Variants in DNMT1 observed in about 807,000 individuals in gnomAD.
DNMT1 encodes the protein DNA methyltransferase 1, also known as DNA (cytosine-5)-methyltransferase 1.
A neutral mutation model predicts 205.3 loss-of-function variants in DNMT1; 24 were observed. The observed-to-expected ratio is 0.12, with a 90% confidence interval of 0.08 to 0.16. The LOEUF (loss-of-function observed/expected upper bound fraction) is 0.16, where lower values mean the gene tolerates loss of function less well. Ranked by LOEUF, DNMT1 falls within the 10% of genes least tolerant of loss-of-function variation. DNMT1 has a pLI of 1.00. For missense variants in DNMT1, 1,293 were observed against 2,177.7 expected (o/e 0.59, Z 8.09); for synonymous variants, 817 against 839.8 (o/e 0.97, Z 0.47).
chr19:10,139,511 C>T (rs534588023), intron 34 of DNMT1, among the ~76,000 whole-genome samples, 165 bp downstream of exon 34: 6 of 152,250 alleles, frequency 3.9e-5, no homozygotes, highest in Non-Finnish European at 8.8e-5. Context: ...CGGCTGAGCA[C>T]GCATCTCCCC....
chr19:10,149,341 A>C lies in DNMT1; in HGVS notation c.2586+112T>G, dbSNP rs1046943173. 1.0e-3 allele frequency: 1,330 copies of C among 1,309,146 alleles called. 2 individuals are homozygous for C. Among genetic ancestry groups the C allele is most frequent in the East Asian group, 3.0e-3 (120 of 39,828 alleles). 81.1% of individuals were successfully genotyped at this position (1,309,146 alleles called of 1,614,324 possible). Reference sequence around the variant, plus strand: ...ACTCAGTCTCAAAACAAAAAAAAAAACAAAAAAAAAACCAAATTAAAAAAA... The same window carrying C: ...ACTCAGTCTCAAAACAAAAAAAAAACCAAAAAAAAAACCAAATTAAAAAAA... On this transcript the variant is annotated intron_variant, in intron 26 of 40. Coordinates refer to ENST00000359526, the MANE Select transcript of DNMT1 (RefSeq NM_001130823.3).
At position 10,180,203 on chromosome 19, in the gene DNMT1, T is replaced by C. The variant is rs1356541281; in HGVS notation, c.477A>G (p.Gln159=). The change falls in exon 5 of 41, where the codon CAA becomes CAG. Residue 159 remains glutamine (Q), a synonymous_variant. Transcript: ENST00000359526. ...GGCACATACCTCTAATCCCAGTTAC[T>C]TGGGAGGCTGAGGCAGGAGGGTCTC... The part of the protein sequence containing the change: ...RSRDPPASAS[Q]VTGIRAEPSP... The C allele has an allele frequency of 1.1e-6, 1 of 934,798 alleles. No homozygotes were observed. The highest frequency in any genetic ancestry group is 2.6e-5 in the East Asian group (1 of 37,984). 57.9% of individuals were successfully genotyped at this position (934,798 alleles called of 1,614,324 possible). A position where few individuals can be genotyped will look rare whatever the true frequency, so the allele number is the denominator to read the frequency against.
At chr19:10,149,738 T>A (rs2038295502) in intron 25 of DNMT1, 81 bp from the exon 26 acceptor site, 7 of 1,609,430 alleles carry the variant, frequency 4.3e-6, no homozygotes, top group Admixed American at 3.3e-5. Flanking sequence ...GGAGCACTCG[T>A]CCTTTTCAGT....
chr19:10,137,411 A>G lies in DNMT1; in HGVS notation c.4294-131T>C. On this transcript the variant is annotated intron_variant, in intron 36 of 40. Transcript: ENST00000359526. The surrounding 1 kb of genome is among the most constrained non-coding windows in gnomAD (Gnocchi z 6.4). ...GGCTCACGCCCATCGGGAAAGAGAC[A>G]GTCAGGGATATCGCACTTGGCTCGA... 1 of 1,184,750 alleles carries G rather than the reference A, an allele frequency of 8.4e-7. No homozygotes were observed. The highest frequency in any genetic ancestry group is 1.2e-6 in the Non-Finnish European group (1 of 844,604). The allele number at this position is 1,184,750 out of a possible 1,614,324, so 73.4% of individuals were successfully genotyped here. A position where few individuals can be genotyped will look rare whatever the true frequency, so the allele number is the denominator to read the frequency against.
At chr19:10,182,395 GTATATA>G (rs779267793) in intron 1 of DNMT1, among the ~76,000 whole-genome samples, 9 of 81,502 alleles carry the variant, frequency 1.1e-4, no homozygotes, top group Non-Finnish European at 2.4e-4. Context: ...ATATATATGT[GTATATA>G]TATACATATA....
Position 10,166,702 on chromosome 19 carries a change from C to A in DNMT1, c.804-17G>T. On this transcript the variant is annotated splice_polypyrimidine_tract_variant and intron_variant, in intron 10 of 40. Transcript: ENST00000359526. The stretch of plus-strand genomic sequence containing the variant: ...TTGGGTGTTCTGTCACAGAAGACAA[C>A]ACACACACAGGCTGGTCAGCTCGGG... The A allele has an allele frequency of 6.2e-7, 1 of 1,611,080 alleles. No homozygotes were observed. Among genetic ancestry groups the A allele is most frequent in the Non-Finnish European group, 8.5e-7 (1 of 1,177,888 alleles).
rs762090084 is a variant in DNMT1 at position 10,146,331 on chromosome 19, T to C, written c.2894+20A>G. ...CAGCCTGGAGCGCCCTGGCCCCGGC[T>C]GCTCCGAGGGGGCACTTACTTGAAC... On this transcript the variant is annotated intron_variant, in intron 28 of 40. Coordinates refer to ENST00000359526, the MANE Select transcript of DNMT1 (RefSeq NM_001130823.3). The surrounding 1 kb of genome is among the most constrained non-coding windows in gnomAD (Gnocchi z 4.4). 6.2e-7 allele frequency: 1 copy of C among 1,613,408 alleles called. No individual in the cohort carries two copies. The highest frequency in any genetic ancestry group is 8.5e-7 in the Non-Finnish European group (1 of 1,179,828).
At chr19:10,139,603 T>C in intron 34 of DNMT1, 73 bp downstream of exon 34, 3 of 1,567,212 alleles carry the variant, frequency 1.9e-6, no homozygotes, top group Non-Finnish European at 2.6e-6. Flanking sequence ...CTGCCTTCAG[T>C]AAGGGATGGC....
intron 1 of DNMT1, among the ~76,000 whole-genome samples, chr19:10,184,878 G>T (rs533177498): frequency 6.6e-6 from 1 of 152,344 alleles, no homozygotes; most frequent in Admixed American, 6.5e-5. Context: ...GTTATCATTT[G>T]CCTGAAGGGC....
Position 10,146,860 on chromosome 19 carries a change from G to A in DNMT1, c.2721-336C>T, listed in dbSNP as rs1212166188. Among the ~76,000 whole-genome samples the A allele has an allele frequency of 6.6e-6, 1 of 152,178 alleles. No homozygotes were observed. The highest frequency in any genetic ancestry group is 2.4e-5 in the African/African-American group (1 of 41,442). The stretch of plus-strand genomic sequence containing the variant: ...GCTCAGTGAGGAACTCAATCCAGCA[G>A]AGACTCCTACTGTTCTCTCCATAAA... On this transcript the variant is annotated intron_variant, in intron 27 of 40. Transcript: ENST00000359526. This position sits in a 1 kb window ranked among gnomAD's most constrained non-coding sequence, Gnocchi z 4.4.
rs1183887121 is a variant in DNMT1 at position 10,155,068 on chromosome 19, AGAG to A, written c.1493-15_1493-13del. The A allele has an allele frequency of 6.2e-7, 1 of 1,613,896 alleles. No homozygotes were observed. Among genetic ancestry groups the A allele is most frequent in the African/African-American group, 1.3e-5 (1 of 74,922 alleles). ...GTATTCGGCAAATGCTGGGGTGAAC[AGAG>A]GAGGTGTGGAAAAGGGGCTGGAATC... is the stretch of plus-strand genomic sequence containing the variant. On this transcript the variant is annotated splice_polypyrimidine_tract_variant and intron_variant, in intron 19 of 40. Transcript: ENST00000359526.
At position 10,180,420 on chromosome 19, in the gene DNMT1, G is replaced by A. The variant is rs755239618; in HGVS notation, c.375C>T (p.Ala125=). ...SEARRVGMAD[A]NSPPKPLSKP... Reference sequence around the variant, plus strand: ...TGGAAAGGGGTTTGGGGGGGCTGTTGGCATCTGCCATTCCCACTCTACGGG... The same window carrying A: ...TGGAAAGGGGTTTGGGGGGGCTGTTAGCATCTGCCATTCCCACTCTACGGG... The change falls in exon 4 of 41, where the codon GCC becomes GCT. Residue 125 remains alanine (A), a synonymous_variant. Coordinates refer to ENST00000359526, the MANE Select transcript of DNMT1 (RefSeq NM_001130823.3). 1 of 1,614,064 alleles carries A rather than the reference G, an allele frequency of 6.2e-7. No individual in the cohort carries two copies. The highest frequency in any genetic ancestry group is 1.1e-5 in the South Asian group (1 of 91,078).
At chr19:10,170,919 G>C (rs2145353487) in intron 9 of DNMT1, among the ~76,000 whole-genome samples, 1 of 152,172 alleles carries the variant, frequency 6.6e-6, no homozygotes, top group South Asian at 2.1e-4. Flanking sequence ...TCAGCCTCCT[G>C]AGAAGCTGGA....
intron 10 of DNMT1, among the ~76,000 whole-genome samples, chr19:10,167,858 C>A (rs2038727832): frequency 6.6e-6 from 1 of 152,110 alleles, no homozygotes; most frequent in African/African-American, 2.4e-5. Flanking sequence ...TCGAAGCTAA[C>A]TTCACCCCGT....
chr19:10,180,671 T>TC (rs1440986008), intron 3 of DNMT1, 102 bp from the exon 4 acceptor site: 2 of 1,470,882 alleles, frequency 1.4e-6, no homozygotes, highest in Non-Finnish European at 1.9e-6. Flanking sequence ...ATCATCATCA[T>TC]CATCAGGCAA....
At position 10,139,663 on chromosome 19, in the gene DNMT1, C is replaced by T; in HGVS notation, c.3948+13G>A. The T allele has an allele frequency of 6.2e-7, 1 of 1,610,710 alleles. No individual in the cohort carries two copies. Among genetic ancestry groups the T allele is most frequent in the Non-Finnish European group, 8.5e-7 (1 of 1,179,574 alleles). The stretch of plus-strand genomic sequence containing the variant: ...GGCCACATCTGTCTGCCCGCCCCAG[C>T]CCCAGGGCCCACCTGCAGCACGCCG... On this transcript the variant is annotated intron_variant, in intron 34 of 40. Transcript: ENST00000359526.
At chr19:10,135,166 T>C (rs1245565751) in intron 39 of DNMT1, among the ~76,000 whole-genome samples, 3 of 136,076 alleles carry the variant, frequency 2.2e-5, no homozygotes, top group African/African-American at 8.5e-5. Flanking sequence ...TGAGCTGAGA[T>C]CACGCCACTT....
intron 30 of DNMT1, 177 bp downstream of exon 30, chr19:10,141,851 A>C: frequency 3.0e-6 from 2 of 666,810 alleles, no homozygotes; most frequent in Non-Finnish European, 2.5e-6. Flanking sequence ...TGTGCTCTGG[A>C]GAACCCTGCT....
intron 17 of DNMT1, among the ~76,000 whole-genome samples, chr19:10,158,674 C>T (rs1200018102): frequency 6.6e-6 from 1 of 152,188 alleles, no homozygotes; most frequent in Non-Finnish European, 1.5e-5. Context: ...GGTGAAGGTA[C>T]GGGCCGGACG....
Sources: allele counts gnomAD v4.1 joint callset (sites outside exome capture counted in the v4.1 genomes callset), GRCh38; gene constraint gnomAD v4.1.1; non-coding constraint Gnocchi (gnomAD v3.1); transcripts MANE v1.5; gene names NCBI Gene and HGNC (gene_info 2026-07-23, HGNC 2026-07-21).